The following TRPM3 variants were observed in gnomAD, a reference collection of about 807,000 sequenced individuals.
The protein encoded by TRPM3 is transient receptor potential cation channel subfamily M member 3.
A neutral mutation model predicts 181.2 loss-of-function variants in TRPM3; 77 were observed. That is an observed-to-expected ratio of 0.42 (90% CI 0.35 to 0.51). The LOEUF is 0.51. Among genes scored for constraint, TRPM3 ranks in the 20% least tolerant of loss-of-function variants. The pLI is 0.01. For synonymous variants in TRPM3, 745 were observed against 796.4 expected (o/e 0.94, Z 1.09); for missense variants, 1,759 against 2,196.7 (o/e 0.80, Z 3.98).
intron 3 of TRPM3, among the ~76,000 whole-genome samples, chr9:70,852,612 G>A (rs1448753757): frequency 6.6e-6 from 1 of 152,076 alleles, no homozygotes; most frequent in Non-Finnish European, 1.5e-5. Flanking sequence ...GCCTCCTACT[G>A]ACTTCTTTAT....
intron 22 of TRPM3, among the ~76,000 whole-genome samples, chr9:70,585,441 T>C (rs1485672790): frequency 6.6e-6 from 1 of 152,170 alleles, no homozygotes; most frequent in Non-Finnish European, 1.5e-5. Flanking sequence ...GCTCCAGAGT[T>C]CTATGTGCAA....
At chr9:71,173,316 C>G (rs546957320) in intron 1 of TRPM3, among the ~76,000 whole-genome samples, 31 of 152,164 alleles carry the variant, frequency 2.0e-4, no homozygotes, top group African/African-American at 7.2e-4. Context: ...GCAACTGCTA[C>G]CATGTATGCA....
intron 1 of TRPM3, among the ~76,000 whole-genome samples, chr9:71,276,026 A>T (rs1298533851): frequency 6.6e-6 from 1 of 152,062 alleles, no homozygotes; most frequent in Non-Finnish European, 1.5e-5. Context: ...TATTTTTAGT[A>T]AAGACAGTGT....
intron 1 of TRPM3, among the ~76,000 whole-genome samples, chr9:70,998,184 CATAT>C (rs964962395): frequency 4.9e-5 from 7 of 143,296 alleles, no homozygotes; most frequent in African/African-American, 1.8e-4. Context: ...CATATATATA[CATAT>C]ATACACATAT....
intron 1 of TRPM3, among the ~76,000 whole-genome samples, chr9:71,358,194 A>G (rs2091987783): frequency 6.6e-6 from 1 of 152,180 alleles, no homozygotes; most frequent in African/African-American, 2.4e-5. Flanking sequence ...CAGTAACAGG[A>G]TATCAACTTA....
intron 3 of TRPM3, among the ~76,000 whole-genome samples, chr9:70,854,536 A>G (rs2095334177): frequency 6.6e-6 from 1 of 152,180 alleles, no homozygotes; most frequent in Non-Finnish European, 1.5e-5. Flanking sequence ...GCTCTTTAGT[A>G]TGCCTTTCAA....
At chr9:71,137,640 T>A (rs2074848689) in intron 1 of TRPM3, among the ~76,000 whole-genome samples, 1 of 152,208 alleles carries the variant, frequency 6.6e-6, no homozygotes, top group Non-Finnish European at 1.5e-5. Context: ...AGCACATGAC[T>A]TTGAACTTTA....
chr9:70,624,514 C>T (rs945933327), intron 14 of TRPM3, among the ~76,000 whole-genome samples: 7 of 152,120 alleles, frequency 4.6e-5, no homozygotes, highest in African/African-American at 1.7e-4. Context: ...CACCTTGCAA[C>T]TCATTTTTAA....
At chr9:71,318,443 G>A (rs978723589) in intron 1 of TRPM3, among the ~76,000 whole-genome samples, 2 of 152,082 alleles carry the variant, frequency 1.3e-5, no homozygotes, top group African/African-American at 4.8e-5. Flanking sequence ...TGAAACAAGT[G>A]TTTTATTTTT....
At chr9:71,364,713 G>C (rs957682565) in intron 1 of TRPM3, among the ~76,000 whole-genome samples, 3 of 152,212 alleles carry the variant, frequency 2.0e-5, no homozygotes, top group African/African-American at 7.2e-5. Flanking sequence ...TACAGCTTGA[G>C]AGTAGTATGT....
At chr9:70,996,095 G>A (rs1247328241) in intron 1 of TRPM3, among the ~76,000 whole-genome samples, 1 of 152,198 alleles carries the variant, frequency 6.6e-6, no homozygotes. Context: ...TCTACACATT[G>A]AAGGTACTAT....
chr9:70,558,640 T>C (rs1199685604), intron 22 of TRPM3, among the ~76,000 whole-genome samples: 4 of 152,128 alleles, frequency 2.6e-5, no homozygotes, highest in African/African-American at 7.2e-5. Context: ...AGACCTATTA[T>C]CAAACCTGTA....
At chr9:71,166,334 C>T (rs573179328) in intron 1 of TRPM3, among the ~76,000 whole-genome samples, 5 of 152,212 alleles carry the variant, frequency 3.3e-5, no homozygotes, top group East Asian at 1.9e-4. Flanking sequence ...CAGAAGGAAA[C>T]GAGCAGCCCA....
At chr9:71,357,049 T>TA (rs2091927306) in intron 1 of TRPM3, among the ~76,000 whole-genome samples, 1 of 152,052 alleles carries the variant, frequency 6.6e-6, no homozygotes, top group Non-Finnish European at 1.5e-5. Context: ...AAAATAGTGA[T>TA]AAAAGGACAG....
intron 1 of TRPM3, among the ~76,000 whole-genome samples, chr9:71,001,261 G>A (rs1035215242): frequency 2.0e-5 from 3 of 152,146 alleles, no homozygotes; most frequent in African/African-American, 7.2e-5. Context: ...AGCCCACATG[G>A]GGCTCATGTC....
chr9:71,425,885 C>G (rs1437162029), intron 1 of TRPM3, among the ~76,000 whole-genome samples: 1 of 152,090 alleles, frequency 6.6e-6, no homozygotes, highest in East Asian at 1.9e-4. Context: ...TCAAACATGC[C>G]AAGTTCTTTA....
chr9:71,419,072 A>G (rs1217293199), intron 1 of TRPM3, among the ~76,000 whole-genome samples: 1 of 151,352 alleles, frequency 6.6e-6, no homozygotes, highest in Non-Finnish European at 1.5e-5. Context: ...AGGAAAATAA[A>G]ACTAAAAAGC....
intron 1 of TRPM3, among the ~76,000 whole-genome samples, chr9:70,886,381 C>T (rs2096082781): frequency 6.6e-6 from 1 of 152,124 alleles, no homozygotes; most frequent in South Asian, 2.1e-4. Flanking sequence ...TCTATTATTG[C>T]CTTAAAAATA....
intron 1 of TRPM3, among the ~76,000 whole-genome samples, chr9:71,096,590 A>ACTCT (rs71367255): frequency 7.2e-4 from 65 of 90,042 alleles, no homozygotes; most frequent in Middle Eastern, 9.6e-3. Context: ...ACACACACAC[A>ACTCT]CTCTCTCTCT....
Sources: gnomAD v4.1 joint callset for allele counts (sites outside exome capture counted in the v4.1 genomes callset) on GRCh38, gnomAD v4.1.1 for gene constraint, MANE v1.5 for transcripts, NCBI Gene and HGNC (gene_info 2026-07-23, HGNC 2026-07-21) for gene names.